CTNNA3: variants seen among roughly 807,000 people sequenced by gnomAD.
CTNNA3 encodes catenin alpha 3.
CTNNA3 carries 76 observed loss-of-function variants against 95.7 expected under a neutral mutation model. That is an observed-to-expected ratio of 0.79 (90% confidence interval 0.66 to 0.96). The LOEUF is 0.96. CTNNA3 is among the 40% of genes least tolerant of loss of function. The pLI, the probability that CTNNA3 is intolerant of heterozygous loss-of-function variation, is 0.00. For synonymous variants in CTNNA3, 431 were observed against 374.4 expected (o/e 1.15, Z -1.74); for missense variants, 1,191 against 1,089.8 (o/e 1.09, Z -1.31).
At chr10:66,701,676 T>C (rs1847947323) in intron 9 of CTNNA3, among the ~76,000 whole-genome samples, 1 of 152,202 alleles carries the variant, frequency 6.6e-6, no homozygotes. Context: ...ACTACTGATG[T>C]TTGTATACGG....
At chr10:67,694,647 C>T (rs1840929629) in intron 1 of CTNNA3, among the ~76,000 whole-genome samples, 1 of 151,928 alleles carries the variant, frequency 6.6e-6, no homozygotes. Context: ...AATAACACCA[C>T]TGTAGAATAG....
intron 6 of CTNNA3, among the ~76,000 whole-genome samples, chr10:67,197,274 G>T (rs958454535): frequency 6.6e-6 from 1 of 151,912 alleles, no homozygotes; most frequent in Non-Finnish European, 1.5e-5. Context: ...ACAATTCATC[G>T]ACAAAGAAGA....
intron 14 of CTNNA3, among the ~76,000 whole-genome samples, chr10:66,076,710 A>T (rs1459336888): frequency 1.3e-5 from 2 of 151,720 alleles, no homozygotes; most frequent in African/African-American, 2.4e-5. Context: ...TTGACTGATT[A>T]TCTATGTCTT....
intron 5 of CTNNA3, among the ~76,000 whole-genome samples, chr10:67,432,185 A>G (rs1448835925): frequency 6.6e-6 from 1 of 152,040 alleles, no homozygotes; most frequent in Non-Finnish European, 1.5e-5. Context: ...CCACCTTTAA[A>G]ACTAGAAAAA....
intron 13 of CTNNA3, among the ~76,000 whole-genome samples, chr10:66,211,597 C>T (rs1049803023): frequency 2.0e-5 from 3 of 152,188 alleles, no homozygotes; most frequent in Non-Finnish European, 4.4e-5. Flanking sequence ...AGTTTAAAAG[C>T]AACCCCTTCA....
chr10:66,440,572 T>C (rs2093368223), intron 11 of CTNNA3, among the ~76,000 whole-genome samples: 1 of 152,166 alleles, frequency 6.6e-6, no homozygotes. Flanking sequence ...TGACCAATCT[T>C]TAGTGACTTT....
At chr10:66,539,516 T>TA (rs1236043958) in intron 10 of CTNNA3, among the ~76,000 whole-genome samples, 1 of 152,154 alleles carries the variant, frequency 6.6e-6, no homozygotes, top group Non-Finnish European at 1.5e-5. Context: ...GAGCTAGACT[T>TA]ACATTGTAGC....
At chr10:66,246,717 C>A (rs2132055976) in intron 13 of CTNNA3, among the ~76,000 whole-genome samples, 1 of 151,420 alleles carries the variant, frequency 6.6e-6, no homozygotes, top group Middle Eastern at 3.5e-3. Flanking sequence ...CTGAACAATG[C>A]ATCATAGTCT....
chr10:67,250,406 G>A (rs577451320), intron 5 of CTNNA3, among the ~76,000 whole-genome samples: 4 of 152,146 alleles, frequency 2.6e-5, no homozygotes, highest in Admixed American at 2.6e-4. Context: ...TAGTAGAAAT[G>A]GGGTTTCACT....
intron 9 of CTNNA3, among the ~76,000 whole-genome samples, chr10:66,717,102 T>C (rs1287009072): frequency 6.6e-6 from 1 of 151,356 alleles, no homozygotes; most frequent in Non-Finnish European, 1.5e-5. Flanking sequence ...AAGACTAACA[T>C]AGAAATCCTG....
chr10:66,516,925 T>G (rs1420881758), intron 11 of CTNNA3, among the ~76,000 whole-genome samples: 2 of 152,008 alleles, frequency 1.3e-5, no homozygotes, highest in Non-Finnish European at 2.9e-5. Context: ...GCTTACACAT[T>G]AATAACCTTG....
intron 7 of CTNNA3, among the ~76,000 whole-genome samples, chr10:66,807,476 G>A (rs1650795642): frequency 6.6e-6 from 1 of 152,094 alleles, no homozygotes; most frequent in Non-Finnish European, 1.5e-5. Flanking sequence ...GGACTACTTT[G>A]GGAACTATCC....
chr10:66,035,065 T>G (rs2079533858), intron 15 of CTNNA3, among the ~76,000 whole-genome samples: 1 of 152,188 alleles, frequency 6.6e-6, no homozygotes, highest in Non-Finnish European at 1.5e-5. Flanking sequence ...ATCTCAGTGC[T>G]ATTTAATAAC....
chr10:66,444,624 TGA>T (rs2093403804), intron 11 of CTNNA3, among the ~76,000 whole-genome samples: 1 of 152,080 alleles, frequency 6.6e-6, no homozygotes, highest in African/African-American at 2.4e-5. Flanking sequence ...AAGCAAATGC[TGA>T]GAGATTTTGT....
At chr10:67,762,375 C>T (rs1021859328) in intron 1 of CTNNA3, among the ~76,000 whole-genome samples, 4 of 132,194 alleles carry the variant, frequency 3.0e-5, no homozygotes, top group Non-Finnish European at 6.5e-5. Flanking sequence ...GCTTTCCCCT[C>T]CCCCCCCCAA....
chr10:66,383,784 C>A (rs528797146), intron 11 of CTNNA3, among the ~76,000 whole-genome samples: 81 of 152,224 alleles, frequency 5.3e-4, no homozygotes, highest in Admixed American at 3.9e-3. Flanking sequence ...AGAGTAGGGG[C>A]CAATATTCAA....
At chr10:66,779,817 T>A (rs867736927) in intron 7 of CTNNA3, among the ~76,000 whole-genome samples, 1 of 152,208 alleles carries the variant, frequency 6.6e-6, no homozygotes, top group East Asian at 1.9e-4. Context: ...TAGGTCAACA[T>A]AGTCAACAAA....
rs370081329 is a variant in CTNNA3, at chr10:66,490,056, C to T, written c.1531+30561G>A. ...TTCTATCGAGTGGGAATTAGAAAAA[C>T]GGATGACCCCTTTGTTTAACACATT... On this transcript the variant is annotated intron_variant, in intron 11 of 17. Coordinates refer to ENST00000433211, the MANE Select transcript of CTNNA3 (RefSeq NM_013266.4). 5.5e-4 allele frequency among the ~76,000 whole-genome samples: 84 copies of T among 152,212 alleles called. 1 individual carries two copies. The South Asian group carries it at 0.012, about 23-fold the overall frequency.
chr10:66,295,590 C>A (rs2091764833), intron 12 of CTNNA3, among the ~76,000 whole-genome samples: 1 of 152,132 alleles, frequency 6.6e-6, no homozygotes, highest in Admixed American at 6.5e-5. Flanking sequence ...AAAGCCAAGA[C>A]AAAACAGAAA....
Sources: allele counts gnomAD v4.1 joint callset (sites outside exome capture counted in the v4.1 genomes callset), GRCh38; gene constraint gnomAD v4.1.1; transcripts MANE v1.5; gene names NCBI Gene and HGNC (gene_info 2026-07-23, HGNC 2026-07-21).